NALF2: variants seen among roughly 807,000 people sequenced by gnomAD.
The protein encoded by NALF2 is bB57D9.1 (TED protein).
Under a neutral mutation model 24.8 loss-of-function variants are expected in NALF2, and 1 was observed. The ratio of observed to expected loss-of-function variants is 0.04; its 90% CI spans 0.01 to 0.19. NALF2 has a LOEUF of 0.19. NALF2 is among the 10% of genes least tolerant of loss of function. The probability of loss-of-function intolerance (pLI) is 1.00; values close to 1 mark genes in which losing one functional copy is unlikely to be tolerated. For synonymous variants in NALF2, 254 were observed against 189.8 expected (o/e 1.34, Z -2.78); for missense variants, 458 against 409.6 (o/e 1.12, Z -1.02).
At chrX:69,523,659 G>A (rs1294833060) in intron 1 of NALF2, among the ~76,000 whole-genome samples, 3 of 112,216 alleles carry the variant, frequency 2.7e-5, no homozygotes, top group African/African-American at 9.7e-5. Flanking sequence ...CCCGACTGAG[G>A]TGGGGAAAGG....
chrX:69,506,796 C>T (rs1407315655), intron 1 of NALF2, among the ~76,000 whole-genome samples: 1 of 112,709 alleles, frequency 8.9e-6, no homozygotes, highest in Non-Finnish European at 1.9e-5. Flanking sequence ...GGAACAGCGA[C>T]TGGTGGGAAG....
At chrX:69,513,102 A>G (rs1930607938) in intron 1 of NALF2, among the ~76,000 whole-genome samples, 1 of 111,596 alleles carries the variant, frequency 9.0e-6, no homozygotes, top group Non-Finnish European at 1.9e-5. Flanking sequence ...CCTGGAGGGA[A>G]GGTATCTCTG....
At chrX:69,510,036 G>A (rs1054235904) in intron 1 of NALF2, among the ~76,000 whole-genome samples, 18 of 112,086 alleles carry the variant, frequency 1.6e-4, no homozygotes, top group African/African-American at 5.2e-4. Context: ...TTTCAAAAAA[G>A]GAACAGACTG....
chrX:69,505,518 G>T lies in NALF2; in HGVS notation c.236G>T (p.Arg79Leu). The T allele has an allele frequency of 1.0e-6, 1 of 984,576 alleles. No homozygotes were observed. 81.1% of individuals were successfully genotyped at this position (984,576 alleles called of 1,213,427 possible). A position where few individuals can be genotyped will look rare whatever the true frequency, so the allele number is the denominator to read the frequency against. The change falls in exon 1 of 3, where the codon CGG becomes CTG. Residue 79 changes from arginine (R) to leucine (L), a missense_variant. Physicochemically the swap from Arg to Leu is moderately radical, Grantham distance 102 (BLOSUM62 -2). Coordinates refer to ENST00000252338, the MANE Select transcript of NALF2 (RefSeq NM_015686.3). ...GCCAGGGAGCTGAGCAGCGCCATGC[G>T]GCCCCCATGGGGGGCCGGCCGGGAG... ...PRARELSSAM[R>L]PPWGAGRERQ...
intron 1 of NALF2, among the ~76,000 whole-genome samples, chrX:69,524,716 T>G (rs943451859): frequency 1.8e-5 from 2 of 111,430 alleles, no homozygotes; most frequent in African/African-American, 6.5e-5. Flanking sequence ...GAAACAGGGC[T>G]GCAGAGTCTA....
In NALF2 at chrX:69,531,885, G is replaced by A. The variant is rs948594369; in HGVS notation, c.*1929G>A. ...GAGGTGCTGGCTCCTTTCCAGACAT[G>A]CTTATGTATAAGTAAAGGGGCAGGT... On this transcript the variant is annotated 3_prime_UTR_variant, in exon 3 of 3. Transcript: ENST00000252338. 8.9e-6 allele frequency: 1 copy of A among 111,887 alleles called. No individual in the cohort carries two copies. The highest frequency in any genetic ancestry group is 3.3e-5 in the African/African-American group (1 of 30,580). The allele number at this position is 111,887 out of a possible 1,213,427, so 9.2% of individuals were successfully genotyped here. A position where few individuals can be genotyped will look rare whatever the true frequency, so the allele number is the denominator to read the frequency against.
chrX:69,505,872 C>A lies in NALF2; in HGVS notation c.590C>A (p.Ser197Tyr). ...LKGHFRNFTL[S>Y]FCDTYTVWDL... ...GGCCACTTTCGGAACTTCACTCTCT[C>A]CTTTTGCGACACCTACACGGTCTGG... is the stretch of plus-strand genomic sequence containing the variant. Residue 197 changes from serine (S) to tyrosine (Y), a missense_variant, in exon 1 of 3, where the codon TCC (serine) becomes TAC (tyrosine). Ser to Tyr is a moderately radical substitution (Grantham distance 144). Coordinates refer to ENST00000252338, the MANE Select transcript of NALF2 (RefSeq NM_015686.3). The A allele has an allele frequency of 8.3e-7, 1 of 1,211,650 alleles. No individual in the cohort carries two copies. The highest frequency in any genetic ancestry group is 1.1e-6 in the Non-Finnish European group (1 of 895,493).
At chrX:69,515,837 GTGTCCTTTATCTTACT>G (rs1302142889) in intron 1 of NALF2, among the ~76,000 whole-genome samples, 1 of 112,116 alleles carries the variant, frequency 8.9e-6, no homozygotes, top group Non-Finnish European at 1.9e-5. Flanking sequence ...CACACACTTT[GTGTCCTTTATCTTACT>G]TAATTCTTGC....
At chrX:69,525,306 G>A (rs1363282136) in intron 1 of NALF2, among the ~76,000 whole-genome samples, 1 of 111,432 alleles carries the variant, frequency 9.0e-6, no homozygotes, top group Non-Finnish European at 1.9e-5. Flanking sequence ...GTTGGGAGGG[G>A]GCCGATTGCA....
chrX:69,504,408 T>A lies in NALF2; in HGVS notation c.-875T>A, dbSNP rs1463034501. Among the ~76,000 whole-genome samples the A allele has an allele frequency of 5.3e-5, 6 of 113,062 alleles. No individual in the cohort carries two copies. Among genetic ancestry groups the A allele is most frequent in the African/African-American group, 1.9e-4 (6 of 31,199 alleles). On this transcript the variant is annotated 5_prime_UTR_variant, in exon 1 of 3. Transcript: ENST00000252338. ...CACACTTGCACAGGGGCTCTCAAGG[T>A]GTTCTCCGCACAGCGGAAGATGGCG...
At chrX:69,528,773 G>A (rs1184399083) in intron 1 of NALF2, among the ~76,000 whole-genome samples, 2 of 112,239 alleles carry the variant, frequency 1.8e-5, no homozygotes, top group South Asian at 3.7e-4. Context: ...AGTCTTGGAT[G>A]ACTGCAGACT....
intron 1 of NALF2, among the ~76,000 whole-genome samples, chrX:69,512,217 G>A (rs930273755): frequency 5.4e-5 from 6 of 112,145 alleles, no homozygotes; most frequent in South Asian, 3.8e-4. Flanking sequence ...GTATGTTTGC[G>A]TTTTGTGTGA....
intron 1 of NALF2, among the ~76,000 whole-genome samples, chrX:69,510,810 A>G (rs914286455): frequency 8.9e-6 from 1 of 111,836 alleles, no homozygotes; most frequent in Non-Finnish European, 1.9e-5. Context: ...GGCAATGTTT[A>G]TAGTGAGGAC....
intron 1 of NALF2, among the ~76,000 whole-genome samples, chrX:69,516,301 C>T (rs1317132599): frequency 2.7e-5 from 3 of 111,491 alleles, no homozygotes; most frequent in Non-Finnish European, 5.7e-5. Flanking sequence ...AAATTGAGGC[C>T]CAGGAAGGAA....
chrX:69,508,171 G>A (rs1055230028), intron 1 of NALF2, among the ~76,000 whole-genome samples: 2 of 111,776 alleles, frequency 1.8e-5, no homozygotes, highest in African/African-American at 6.5e-5. Context: ...GGAAGAAGGT[G>A]CAGATGTATT....
chrX:69,515,167 A>G (rs1259784697), intron 1 of NALF2, among the ~76,000 whole-genome samples: 2 of 112,025 alleles, frequency 1.8e-5, no homozygotes, highest in Non-Finnish European at 1.9e-5. Flanking sequence ...TGTTTGTACC[A>G]AATCTAACAA....
At chrX:69,514,628 AC>A (rs756598061) in intron 1 of NALF2, among the ~76,000 whole-genome samples, 1 of 111,140 alleles carries the variant, frequency 9.0e-6, no homozygotes, top group South Asian at 3.9e-4. Flanking sequence ...TCTATGTTTA[AC>A]TTTTTGTGGA....
intron 1 of NALF2, among the ~76,000 whole-genome samples, chrX:69,528,237 C>G (rs945974349): frequency 2.2e-4 from 24 of 111,406 alleles, no homozygotes; most frequent in African/African-American, 7.8e-4. Context: ...TAGGAGTGGA[C>G]TAGATGAGGG....
At position 69,529,659 on chromosome X, in the gene NALF2, G is replaced by C; in HGVS notation, c.1122G>C (p.Lys374Asn). 8.3e-7 allele frequency: 1 copy of C among 1,210,393 alleles called. No homozygotes were observed. Among genetic ancestry groups the C allele is most frequent in the South Asian group, 1.8e-5 (1 of 56,609 alleles). ...GTGAGGCGAAGAAGAAGAAGTTCAAGGAGTCTGAGGCCCCCAAAACCCACC... is the reference window on the plus strand; with the variant it reads ...GTGAGGCGAAGAAGAAGAAGTTCAACGAGTCTGAGGCCCCCAAAACCCACC... ...VSCEAKKKKF[K>N]ESEAPKTHQQ... The change falls in exon 3 of 3, where the codon AAG (lysine) becomes AAC (asparagine). Residue 374 changes from lysine to asparagine, a missense_variant. Physicochemically the swap from Lys to Asn is moderately conservative, Grantham distance 94. Coordinates refer to ENST00000252338, the MANE Select transcript of NALF2 (RefSeq NM_015686.3).
Sources: gnomAD v4.1 joint callset for allele counts (sites outside exome capture counted in the v4.1 genomes callset) on GRCh38, gnomAD v4.1.1 for gene constraint, MANE v1.5 for transcripts, NCBI Gene and HGNC (gene_info 2026-07-23, HGNC 2026-07-21) for gene names.